GRM5: variants seen among roughly 807,000 people sequenced by gnomAD.
GRM5 encodes glutamate metabotropic receptor 5.
In GRM5, 19 loss-of-function variants were observed where a neutral mutation model predicts 83.1. That is an observed-to-expected ratio of 0.23 (90% CI 0.16 to 0.34). The LOEUF (loss-of-function observed/expected upper bound fraction) is 0.34, where lower values mean the gene tolerates loss of function less well. GRM5 is among the 10% of genes least tolerant of loss of function. The pLI, the probability that GRM5 is intolerant of heterozygous loss-of-function variation, is 1.00. For missense variants in GRM5, 1,160 were observed against 1,588.3 expected, an observed-to-expected ratio of 0.73 and a Z score of 4.58; for synonymous variants, 675 against 633.6, an observed-to-expected ratio of 1.07 and a Z score of -0.98.
chr11:88,976,828 C>T (rs1430776504), intron 2 of GRM5, among the ~76,000 whole-genome samples: 1 of 150,626 alleles, frequency 6.6e-6, no homozygotes, highest in African/African-American at 2.4e-5. Flanking sequence ...CTAGTGAAGA[C>T]TTAACTTCCT....
At position 88,720,821 on chromosome 11, in the gene GRM5, C is replaced by CGTGTGTGTGTGTGTGT. The variant is rs869078157; in HGVS notation, c.912-67434_912-67419dup. Among the ~76,000 whole-genome samples the CGTGTGTGTGTGTGTGT allele has an allele frequency of 6.5e-4, 89 of 137,264 alleles. 1 individual carries two copies. The highest frequency in any genetic ancestry group is 2.3e-3 in the African/African-American group (86 of 37,134). 90.1% of individuals were successfully genotyped at this position (137,264 alleles called of 152,430 possible). A position where few individuals can be genotyped will look rare whatever the true frequency, so the allele number is the denominator to read the frequency against. On this transcript the variant is annotated intron_variant, in intron 3 of 9. Transcript: ENST00000305447. ...CTGTGTGTGTGTGTGTGTGTGTGTG[C>CGTGTGTGTGTGTGTGT]GTGTGTGTGTGTGTGTGTGTGTGCC...
chr11:88,721,463 T>C (rs1446283543), intron 3 of GRM5, among the ~76,000 whole-genome samples: 4 of 152,176 alleles, frequency 2.6e-5, no homozygotes, highest in African/African-American at 9.6e-5. Flanking sequence ...TAATTTCTAA[T>C]GTTTACCAAG....
intron 2 of GRM5, among the ~76,000 whole-genome samples, chr11:88,920,583 G>C (rs1341124585): frequency 6.6e-6 from 1 of 151,972 alleles, no homozygotes. Context: ...AATTCTATGA[G>C]GCCAGTAATA....
intron 3 of GRM5, among the ~76,000 whole-genome samples, chr11:88,694,499 T>C (rs1333596152): frequency 6.6e-6 from 1 of 151,362 alleles, no homozygotes; most frequent in Non-Finnish European, 1.5e-5. Context: ...GGAATACAGG[T>C]GGAAAGAACA....
intron 2 of GRM5, among the ~76,000 whole-genome samples, chr11:88,992,688 T>C (rs565931186): frequency 6.6e-6 from 1 of 151,694 alleles, no homozygotes; most frequent in South Asian, 2.1e-4. Context: ...TATGCAGCCA[T>C]AAAAAATGAT....
At chr11:88,864,743 A>G (rs1420525597) in intron 2 of GRM5, among the ~76,000 whole-genome samples, 2 of 152,126 alleles carry the variant, frequency 1.3e-5, no homozygotes, top group African/African-American at 4.8e-5. Context: ...TGTCTTGTGC[A>G]GGATTTCAAA....
At chr11:88,597,099 T>C in intron 6 of GRM5, 85 bp downstream of exon 6, 1 of 772,376 alleles carries the variant, frequency 1.3e-6, no homozygotes, top group Non-Finnish European at 2.1e-6. Flanking sequence ...GTAAAATAAG[T>C]GTCTAAAATT....
At chr11:88,983,985 A>G (rs1939608772) in intron 2 of GRM5, among the ~76,000 whole-genome samples, 1 of 152,206 alleles carries the variant, frequency 6.6e-6, no homozygotes, top group African/African-American at 2.4e-5. Context: ...AAAGGAATAT[A>G]AAGAAAATAA....
Position 88,509,039 on chromosome 11 carries a change from C to T in GRM5, c.3192G>A (p.Val1064=), listed in dbSNP as rs940573841. 1 of 1,562,560 alleles carries T rather than the reference C, an allele frequency of 6.4e-7. No homozygotes were observed. The highest frequency in any genetic ancestry group is 8.7e-7 in the Non-Finnish European group (1 of 1,152,900). The part of the protein sequence containing the change: ...QGSLMEQISS[V]VTRFTANISE... Reference sequence around the variant, plus strand: ...TGATGTTGGCCGTGAAGCGGGTGACCACACTGCTGATCTGCTCCATGAGGG... The same window carrying T: ...TGATGTTGGCCGTGAAGCGGGTGACTACACTGCTGATCTGCTCCATGAGGG... The change falls in exon 10 of 10, where the codon GTG becomes GTA. Residue 1064 remains valine, a synonymous_variant. Coordinates refer to ENST00000305447, the MANE Select transcript of GRM5 (RefSeq NM_001143831.3).
intron 7 of GRM5, among the ~76,000 whole-genome samples, chr11:88,568,523 G>A (rs1451058705): frequency 6.6e-6 from 1 of 152,160 alleles, no homozygotes; most frequent in African/African-American, 2.4e-5. Context: ...GGGAGGTAGG[G>A]AGGAAGGGGA....
chr11:88,941,441 G>A lies in GRM5; in HGVS notation c.662-91286C>T, dbSNP rs949226278. ...GAAGAGGAGAAGAGACGAGAATAGG[G>A]GAGAAGAGGGGAGAAGAGAAGAGAA... On this transcript the variant is annotated intron_variant, in intron 2 of 9. Transcript: ENST00000305447. Among the ~76,000 whole-genome samples the A allele has an allele frequency of 1.3e-4, 17 of 135,506 alleles. No individual in the cohort carries two copies. In the East Asian group the frequency reaches 2.9e-3, roughly 23 times the overall value. The allele number at this position is 135,506 out of a possible 152,430, so 88.9% of individuals were successfully genotyped here.
intron 2 of GRM5, among the ~76,000 whole-genome samples, chr11:88,945,129 TACAC>T (rs10587949): frequency 3.4e-5 from 5 of 148,952 alleles, no homozygotes; most frequent in Non-Finnish European, 7.5e-5. Flanking sequence ...CACACACACA[TACAC>T]ACACACACAC....
At chr11:88,588,127 C>A (rs925027656) in intron 7 of GRM5, among the ~76,000 whole-genome samples, 1 of 152,086 alleles carries the variant, frequency 6.6e-6, no homozygotes, top group South Asian at 2.1e-4. Context: ...GTGATGACAC[C>A]ATTTCTTGTG....
At chr11:88,986,441 C>A (rs1017438423) in intron 2 of GRM5, among the ~76,000 whole-genome samples, 5 of 152,104 alleles carry the variant, frequency 3.3e-5, no homozygotes, top group Non-Finnish European at 5.9e-5. Flanking sequence ...ATGTCAATAT[C>A]CTGGTGGTGA....
intron 3 of GRM5, among the ~76,000 whole-genome samples, chr11:88,780,021 C>T (rs1012897486): frequency 4.6e-5 from 7 of 152,156 alleles, no homozygotes; most frequent in African/African-American, 1.4e-4. Context: ...TCTCCCCATG[C>T]CCTCTTTGGC....
intron 2 of GRM5, among the ~76,000 whole-genome samples, chr11:88,973,312 A>C (rs944764490): frequency 3.9e-5 from 6 of 152,132 alleles, no homozygotes; most frequent in African/African-American, 7.2e-5. Flanking sequence ...TCAGGTTCTG[A>C]AACCTACACC....
At chr11:88,853,013 G>A (rs1217140930) in intron 2 of GRM5, among the ~76,000 whole-genome samples, 1 of 152,066 alleles carries the variant, frequency 6.6e-6, no homozygotes, top group Admixed American at 6.6e-5. Context: ...CCAATAGAGG[G>A]AAACAAGTAA....
chr11:88,776,726 G>A (rs916817737), intron 3 of GRM5, among the ~76,000 whole-genome samples: 7 of 152,044 alleles, frequency 4.6e-5, no homozygotes, highest in Non-Finnish European at 8.8e-5. Flanking sequence ...ATTAAATTCC[G>A]GGTTGAAAAT....
intron 2 of GRM5, among the ~76,000 whole-genome samples, chr11:89,031,700 C>A (rs945801420): frequency 6.6e-6 from 1 of 151,874 alleles, no homozygotes; most frequent in African/African-American, 2.4e-5. Context: ...ATTTCTGTTG[C>A]AATATTAGTG....
Sources: gnomAD v4.1 joint callset for allele counts (sites outside exome capture counted in the v4.1 genomes callset) on GRCh38, gnomAD v4.1.1 for gene constraint, MANE v1.5 for transcripts, NCBI Gene and HGNC (gene_info 2026-07-23, HGNC 2026-07-21) for gene names.